BPIFB4: variants seen among roughly 807,000 people sequenced by gnomAD.
BPIFB4 encodes the protein BPI fold-containing family B member 4.
A neutral mutation model predicts 69.2 loss-of-function variants in BPIFB4; 62 were observed. The observed-to-expected ratio is 0.90, with a 90% CI of 0.73 to 1.11. The LOEUF is 1.11. Ranked by LOEUF, BPIFB4 falls within the 50% of genes least tolerant of loss-of-function variation. The pLI, the probability that BPIFB4 is intolerant of heterozygous loss-of-function variation, is 0.00. For missense variants in BPIFB4, 789 were observed against 792.0 expected (o/e 1.00, Z 0.04); for synonymous variants, 330 against 332.7 (o/e 0.99, Z 0.09).
In BPIFB4 at chr20:33,089,011, C is replaced by T. The variant is rs780767139; in HGVS notation, c.972C>T (p.Ala324=). 42 of 1,613,854 alleles carry T rather than the reference C, an allele frequency of 2.6e-5. No individual in the cohort carries two copies. The highest frequency in any genetic ancestry group is 1.6e-4 in the Middle Eastern group (1 of 6,062). Residue 324 remains alanine (A), a synonymous_variant, in exon 8 of 18, where the codon GCC becomes GCT. Coordinates refer to ENST00000375483, the MANE Select transcript of BPIFB4 (RefSeq NM_182519.3). Reference sequence around the variant, plus strand: ...ACAATTTAGTGAACCGAGTCCTGGCCGACGTCCTCCCTGACTTGGTAAGAA... The same window carrying T: ...ACAATTTAGTGAACCGAGTCCTGGCTGACGTCCTCCCTGACTTGGTAAGAA... ...LVDNLVNRVL[A]DVLPDLLCPI...
At chr20:33,100,575 C>T (rs2146413462) in intron 14 of BPIFB4, 82 bp downstream of exon 14, 1 of 1,338,814 alleles carries the variant, frequency 7.5e-7, no homozygotes, top group South Asian at 1.3e-5. Context: ...TAGAGGTCTC[C>T]TGTGTGGCCA....
chr20:33,111,289 A>T (rs1982230360), intron 17 of BPIFB4, 125 bp from the exon 18 acceptor site: 2 of 1,281,084 alleles, frequency 1.6e-6, no homozygotes, highest in South Asian at 1.3e-5. Context: ...TGACCCCTTT[A>T]TCTCCGCTGT....
At chr20:33,090,384 G>C (rs982774317) in intron 9 of BPIFB4, among the ~76,000 whole-genome samples, 2 of 152,170 alleles carry the variant, frequency 1.3e-5, no homozygotes, top group Non-Finnish European at 2.9e-5. Context: ...TTCCTTCCCT[G>C]GTGCACAGCA....
chr20:33,103,007 A>G lies in BPIFB4; in HGVS notation c.1673A>G (p.Asn558Ser), dbSNP rs374631741. 4 of 1,613,878 alleles carry G rather than the reference A, an allele frequency of 2.5e-6. No individual in the cohort carries two copies. The highest frequency in any genetic ancestry group is 3.4e-6 in the Non-Finnish European group (4 of 1,179,876). Residue 558 changes from asparagine to serine, a missense_variant, in exon 15 of 18, where the codon AAC (asparagine) becomes AGC (serine). Physicochemically the swap from Asn to Ser is conservative, Grantham distance 46. Around this residue, in one of 3 missense-constraint regions of BPIFB4, gnomAD observed 170 missense variants for 193.6 expected, o/e 0.88. Transcript: ENST00000375483. ...AACCTCAGAACCTCAAACGTGGGCAACTTTGATGTAAGTACCATGTTTAGT... is the reference window on the plus strand; with the variant it reads ...AACCTCAGAACCTCAAACGTGGGCAGCTTTGATGTAAGTACCATGTTTAGT... The part of the protein sequence containing the change: ...SLNLRTSNVG[N>S]FDIGLMEVLV...
At chr20:33,108,816 C>T (rs1982151043) in intron 17 of BPIFB4, among the ~76,000 whole-genome samples, 3 of 152,344 alleles carry the variant, frequency 2.0e-5, no homozygotes, top group South Asian at 2.1e-4. Flanking sequence ...CTGCAGTGAA[C>T]ATCTCAATGC....
intron 7 of BPIFB4, among the ~76,000 whole-genome samples, chr20:33,088,686 G>A (rs796754695): frequency 1.4e-4 from 22 of 152,324 alleles, no homozygotes; most frequent in African/African-American, 5.1e-4. Context: ...TTGAAAATCA[G>A]CAACATTACA....
intron 3 of BPIFB4, 38 bp from the exon 4 acceptor site, chr20:33,082,900 G>C (rs1384696018): frequency 3.8e-6 from 6 of 1,587,418 alleles, no homozygotes; most frequent in Non-Finnish European, 5.2e-6. Context: ...GTGGAAAAAA[G>C]GGAGGAACCC....
At chr20:33,086,795 C>A (rs971049152) in intron 7 of BPIFB4, among the ~76,000 whole-genome samples, 19 of 152,196 alleles carry the variant, frequency 1.2e-4, no homozygotes, top group Admixed American at 4.6e-4. Context: ...AAGTCTCCAT[C>A]CTCTGGCGAA....
At chr20:33,101,696 C>A (rs776758989) in intron 14 of BPIFB4, among the ~76,000 whole-genome samples, 2 of 152,100 alleles carry the variant, frequency 1.3e-5, no homozygotes, top group Non-Finnish European at 2.9e-5. Context: ...CAGGCATGCA[C>A]CACCACGCCA....
chr20:33,105,525 G>T (rs573564355), intron 16 of BPIFB4, among the ~76,000 whole-genome samples: 2 of 152,286 alleles, frequency 1.3e-5, no homozygotes, highest in African/African-American at 4.8e-5. Flanking sequence ...TACTGGGAAG[G>T]CTGCTTGTTG....
intron 16 of BPIFB4, among the ~76,000 whole-genome samples, chr20:33,106,559 G>A (rs1023331809): frequency 6.6e-6 from 1 of 151,948 alleles, no homozygotes; most frequent in Non-Finnish European, 1.5e-5. Context: ...TTTTAGTAGA[G>A]ATGGGTTTTT....
At chr20:33,104,232 G>A (rs1026249936) in intron 15 of BPIFB4, among the ~76,000 whole-genome samples, 1 of 152,186 alleles carries the variant, frequency 6.6e-6, no homozygotes, top group Non-Finnish European at 1.5e-5. Context: ...TTTCAGATGT[G>A]GAAACCAAGG....
In BPIFB4 at chr20:33,090,716, C is replaced by T. The variant is rs754207202; in HGVS notation, c.1060C>T (p.Pro354Ser). The T allele has an allele frequency of 1.9e-6, 3 of 1,614,170 alleles. No individual in the cohort carries two copies. The highest frequency in any genetic ancestry group is 3.3e-4 in the Middle Eastern group (2 of 6,060). Residue 354 changes from proline to serine, a missense_variant, in exon 10 of 18, where the codon CCT becomes TCT. Physicochemically the swap from Pro to Ser is moderately conservative, Grantham distance 74. Around this residue, in one of 3 missense-constraint regions of BPIFB4, gnomAD observed 611 missense variants for 575.4 expected, o/e 1.06. Coordinates refer to ENST00000375483, the MANE Select transcript of BPIFB4 (RefSeq NM_182519.3). ...DQLGLVDSLI[P>S]LGILGSVQYT... is the part of the protein sequence containing the mutation. ...CTCTCCTTTGCCTGCAGCTCTGATT[C>T]CTCTGGGGATATTGGGAAGTGTCCA...
At chr20:33,089,837 G>A (rs185145630) in intron 9 of BPIFB4, among the ~76,000 whole-genome samples, 4 of 152,286 alleles carry the variant, frequency 2.6e-5, no homozygotes, top group South Asian at 2.1e-4. Context: ...GTAATGGCTC[G>A]TCCTGGGAGC....
chr20:33,088,204 A>T (rs1382520150), intron 7 of BPIFB4, among the ~76,000 whole-genome samples: 1 of 151,992 alleles, frequency 6.6e-6, no homozygotes, highest in Admixed American at 6.6e-5. Context: ...AGCTGGGTAC[A>T]GTTATGTGCA....
At chr20:33,084,587 G>A (rs1039765855) in intron 5 of BPIFB4, among the ~76,000 whole-genome samples, 7 of 152,182 alleles carry the variant, frequency 4.6e-5, no homozygotes, top group Non-Finnish European at 1.0e-4. Flanking sequence ...TGTATAGGAG[G>A]GAACCAGGCA....
intron 13 of BPIFB4, among the ~76,000 whole-genome samples, chr20:33,098,173 A>C (rs546946499): frequency 6.6e-6 from 1 of 152,312 alleles, no homozygotes; most frequent in East Asian, 1.9e-4. Flanking sequence ...CATTAGTAAG[A>C]TGCTCAGAGC....
Position 33,083,585 on chromosome 20 carries a change from T to C in BPIFB4, c.388T>C (p.Tyr130His), listed in dbSNP as rs144640013. Residue 130 changes from tyrosine (Y) to histidine (H), a missense_variant, in exon 5 of 18, where the codon TAT becomes CAT. By Grantham distance (83) the Tyr-to-His change is moderately conservative (BLOSUM62 2). Around this residue, in one of 3 missense-constraint regions of BPIFB4, gnomAD observed 611 missense variants for 575.4 expected, o/e 1.06. Transcript: ENST00000375483. The stretch of plus-strand genomic sequence containing the variant: ...TGGCTATCGCAGTGCCGAGAATGCA[T>C]ATGGAGGCCACAGGGGCCTCGGGCG... ...NSGYRSAENA[Y>H]GGHRGLGRYR... 8 of 1,613,716 alleles carry C rather than the reference T, an allele frequency of 5.0e-6. No homozygotes were observed. Among genetic ancestry groups the C allele is most frequent in the African/African-American group, 4.0e-5 (3 of 74,796 alleles).
At chr20:33,101,180 G>A (rs1000893672) in intron 14 of BPIFB4, among the ~76,000 whole-genome samples, 5 of 152,192 alleles carry the variant, frequency 3.3e-5, no homozygotes, top group Non-Finnish European at 7.3e-5. Flanking sequence ...GGTCCCAGTG[G>A]AAGTCAGGGC....
Sources: gnomAD v4.1 joint callset for allele counts (sites outside exome capture counted in the v4.1 genomes callset) on GRCh38, gnomAD v4.1.1 for gene constraint, gnomAD v4.1.1 regional missense constraint, MANE v1.5 for transcripts, NCBI Gene and HGNC (gene_info 2026-07-23, HGNC 2026-07-21) for gene names.